EFCAB7: variants seen among roughly 807,000 people sequenced by gnomAD.
EFCAB7 encodes the protein EF-hand calcium binding domain 7.
EFCAB7 carries 66 observed loss-of-function variants against 77.1 expected under a neutral mutation model. That is an observed-to-expected ratio of 0.86 (90% CI 0.70 to 1.05). The LOEUF (loss-of-function observed/expected upper bound fraction) is 1.05, where lower values mean the gene tolerates loss of function less well. Ranked by LOEUF, EFCAB7 falls within the 50% of genes least tolerant of loss-of-function variation. The pLI is 0.00. For missense variants in EFCAB7, 638 were observed against 730.5 expected (o/e 0.87, Z 1.46); for synonymous variants, 225 against 243.3 (o/e 0.92, Z 0.70).
chr1:63,550,803 A>G (rs1646955375), intron 7 of EFCAB7, among the ~76,000 whole-genome samples: 1 of 152,122 alleles, frequency 6.6e-6, no homozygotes, highest in Admixed American at 6.6e-5. Flanking sequence ...GCAGAACCAT[A>G]GGATTTCCTA....
intron 6 of EFCAB7, among the ~76,000 whole-genome samples, chr1:63,537,492 G>T (rs1374938249): frequency 1.3e-5 from 2 of 151,884 alleles, no homozygotes; most frequent in African/African-American, 4.8e-5. Flanking sequence ...TCTATATATG[G>T]CAATACAAAT....
intron 12 of EFCAB7, chr1:63,570,278 T>A (rs1647222953): frequency 6.6e-6 from 1 of 152,204 alleles, no homozygotes; most frequent in Non-Finnish European, 1.5e-5. Flanking sequence ...ATATTTTTAT[T>A]CCTGCATTTT....
chr1:63,543,901 A>C (rs573789697), intron 6 of EFCAB7, among the ~76,000 whole-genome samples: 1 of 152,162 alleles, frequency 6.6e-6, no homozygotes, highest in South Asian at 2.1e-4. Flanking sequence ...ACTTCAATAA[A>C]GAATCTTCTA....
chr1:63,559,527 A>G (rs1490358267), intron 10 of EFCAB7, among the ~76,000 whole-genome samples: 16 of 151,904 alleles, frequency 1.1e-4, no homozygotes, highest in Non-Finnish European at 1.5e-4. Flanking sequence ...TAGTGGTGCA[A>G]TCTCAACTCA....
At chr1:63,532,369 A>G (rs1263176204) in intron 3 of EFCAB7, among the ~76,000 whole-genome samples, 1 of 152,074 alleles carries the variant, frequency 6.6e-6, no homozygotes, top group East Asian at 1.9e-4. Context: ...CTGTTTTTTG[A>G]TACAATGTTA....
intron 8 of EFCAB7, among the ~76,000 whole-genome samples, chr1:63,554,120 G>A (rs1269592982): frequency 6.6e-6 from 1 of 152,126 alleles, no homozygotes; most frequent in Non-Finnish European, 1.5e-5. Context: ...ACCGTGTCTG[G>A]CCTTATACCT....
At chr1:63,578,635 G>T in the EFCAB7 span, among the ~76,000 whole-genome samples, 1 of 152,014 alleles carries the variant, frequency 6.6e-6, no homozygotes, top group Non-Finnish European at 1.5e-5. Context: ...TAGAGATGGG[G>T]TTTTACCGTG....
In EFCAB7 at chr1:63,544,941, C is replaced by T. The variant is rs1448676870; in HGVS notation, c.805-975C>T. 5.1e-5 allele frequency among the ~76,000 whole-genome samples: 7 copies of T among 137,444 alleles called. No homozygotes were observed. The East Asian group carries it at 6.3e-4, about 12-fold the overall frequency. The allele number at this position is 137,444 out of a possible 152,430, so 90.2% of individuals were successfully genotyped here. ...TCTTTCTTTTTTTTTTTTTTTGAGA[C>T]GGTGTCTTGCCCTGTTGCCCAGGCT... On this transcript the variant is annotated intron_variant, in intron 6 of 13. Coordinates refer to ENST00000371088, the MANE Select transcript of EFCAB7 (RefSeq NM_032437.4).
chr1:63,528,668 T>TA (rs1646640463), intron 2 of EFCAB7, among the ~76,000 whole-genome samples: 2 of 152,108 alleles, frequency 1.3e-5, no homozygotes, highest in African/African-American at 4.8e-5. Context: ...AAATCTCATA[T>TA]TATACACCTA....
At chr1:63,571,182 T>G (rs1647247559) in intron 13 of EFCAB7, 54 bp downstream of exon 13, 1 of 1,229,274 alleles carries the variant, frequency 8.1e-7, no homozygotes. Flanking sequence ...TGAAAAAAAT[T>G]TGCTATTAAT....
At chr1:63,556,907 G>A (rs1046092614) in intron 9 of EFCAB7, among the ~76,000 whole-genome samples, 1 of 151,218 alleles carries the variant, frequency 6.6e-6, no homozygotes, top group Non-Finnish European at 1.5e-5. Context: ...GTGTGGTGGC[G>A]GGCGCCTATA....
intron 11 of EFCAB7, among the ~76,000 whole-genome samples, chr1:63,565,047 T>C (rs1008978176): frequency 5.9e-5 from 9 of 152,146 alleles, no homozygotes; most frequent in African/African-American, 1.9e-4. Context: ...CCTTACACCA[T>C]ATACAAAAAT....
At chr1:63,536,309 T>C (rs942450479) in intron 6 of EFCAB7, among the ~76,000 whole-genome samples, 1 of 152,172 alleles carries the variant, frequency 6.6e-6, no homozygotes, top group Non-Finnish European at 1.5e-5. Flanking sequence ...GAAATTATTA[T>C]TTTTTTAAGT....
At position 63,533,553 on chromosome 1, in the gene EFCAB7, C is replaced by T; in HGVS notation, c.586C>T (p.His196Tyr). The change falls in exon 5 of 14, where the codon CAC becomes TAC. Residue 196 changes from histidine (H) to tyrosine (Y), a missense_variant. By Grantham distance (83) the His-to-Tyr change is moderately conservative. Transcript: ENST00000371088. Reference protein sequence around the residue: ...SKLMRHQFGNHIEGSPERDPS... With the variant: ...SKLMRHQFGNYIEGSPERDPS... Reference sequence around the variant, plus strand: ...ATTGATGCGTCACCAGTTTGGAAACCACATCGAAGGGTCCCCTGAAAGGGA... The same window carrying T: ...ATTGATGCGTCACCAGTTTGGAAACTACATCGAAGGGTCCCCTGAAAGGGA... 1 of 1,613,228 alleles carries T rather than the reference C, an allele frequency of 6.2e-7. No individual in the cohort carries two copies. The highest frequency in any genetic ancestry group is 2.2e-5 in the East Asian group (1 of 44,834).
the EFCAB7 span, among the ~76,000 whole-genome samples, chr1:63,584,901 T>C: frequency 6.6e-6 from 1 of 152,214 alleles, no homozygotes. Flanking sequence ...AACCCCCATA[T>C]TATTTCAGGG....
intron 10 of EFCAB7, among the ~76,000 whole-genome samples, chr1:63,560,989 G>A (rs1170750995): frequency 6.6e-6 from 1 of 152,132 alleles, no homozygotes; most frequent in Non-Finnish European, 1.5e-5. Context: ...CCCTGTTGTA[G>A]GATAGCTAAC....
chr1:63,529,458 A>G (rs1305613589), intron 2 of EFCAB7, among the ~76,000 whole-genome samples: 2 of 152,104 alleles, frequency 1.3e-5, no homozygotes, highest in Non-Finnish European at 2.9e-5. Context: ...TCATGCCTAT[A>G]ATCCCAGCAC....
rs900170606 is a variant in EFCAB7 at position 63,531,845 on chromosome 1, A to G, written c.213A>G (p.Pro71=). The G allele has an allele frequency of 3.1e-6, 5 of 1,612,214 alleles. No homozygotes were observed. Among genetic ancestry groups the G allele is most frequent in the Non-Finnish European group, 4.2e-6 (5 of 1,179,314 alleles). ...YLALQHAGRN[P]SQKTINKYWT... ...CTCTTCAGCATGCAGGAAGAAATCC[A>G]TCCCAAAAGACCATTAATAAGTATT... Residue 71 remains proline (P), a synonymous_variant, in exon 3 of 14, where the codon CCA becomes CCG. Transcript: ENST00000371088.
chr1:63,549,105 C>T (rs539505881), intron 7 of EFCAB7: 45 of 274,456 alleles, frequency 1.6e-4, no homozygotes, highest in African/African-American at 8.5e-4. Context: ...GGGCAGTAGG[C>T]GGAGCTTCGC....
Sources: gnomAD v4.1 joint callset for allele counts (sites outside exome capture counted in the v4.1 genomes callset) on GRCh38, gnomAD v4.1.1 for gene constraint, MANE v1.5 for transcripts, NCBI Gene and HGNC (gene_info 2026-07-23, HGNC 2026-07-21) for gene names.